GALNT13: variants seen among roughly 807,000 people sequenced by gnomAD.
GALNT13 encodes the protein polypeptide N-acetylgalactosaminyltransferase 13.
In GALNT13, 28 loss-of-function variants were observed where a neutral mutation model predicts 64.2. The ratio of observed to expected loss-of-function variants is 0.44; its 90% confidence interval spans 0.32 to 0.60. The LOEUF (loss-of-function observed/expected upper bound fraction) is 0.60. Among genes scored for constraint, GALNT13 ranks in the 20% least tolerant of loss-of-function variants. The probability of loss-of-function intolerance (pLI) is 0.05; values close to 1 mark genes in which losing one functional copy is unlikely to be tolerated. For synonymous variants in GALNT13, 214 were observed against 224.6 expected, an observed-to-expected ratio of 0.95 and a Z score of 0.42; for missense variants, 577 against 669.8, an observed-to-expected ratio of 0.86 and a Z score of 1.53.
chr2:153,819,914 A>G, the GALNT13 span, among the ~76,000 whole-genome samples: 1 of 152,202 alleles, frequency 6.6e-6, no homozygotes, highest in Non-Finnish European at 1.5e-5. Flanking sequence ...CCTAATCAAA[A>G]TGGAAACTCA....
At chr2:153,777,019 T>C in the GALNT13 span, among the ~76,000 whole-genome samples, 1 of 152,060 alleles carries the variant, frequency 6.6e-6, no homozygotes, top group East Asian at 1.9e-4. Flanking sequence ...CCTGTGGAAG[T>C]GTTTTTCCTG....
At chr2:154,419,713 T>C (rs1700170090) in intron 11 of GALNT13, among the ~76,000 whole-genome samples, 2 of 152,106 alleles carry the variant, frequency 1.3e-5, no homozygotes, top group South Asian at 4.1e-4. Context: ...ATATTCCTGG[T>C]GTTAAAATCA....
intron 8 of GALNT13, among the ~76,000 whole-genome samples, chr2:154,266,334 T>G (rs1038605739): frequency 3.3e-5 from 5 of 152,108 alleles, no homozygotes; most frequent in African/African-American, 1.2e-4. Context: ...ATTAAGACTA[T>G]AATTCCAGAA....
intron 9 of GALNT13, among the ~76,000 whole-genome samples, chr2:154,370,205 A>G (rs1241694626): frequency 1.3e-5 from 2 of 152,144 alleles, no homozygotes; most frequent in African/African-American, 2.4e-5. Context: ...GGATTTATAT[A>G]TAGGTAGAAA....
chr2:154,221,516 A>C (rs964555472), intron 4 of GALNT13, among the ~76,000 whole-genome samples: 1 of 152,090 alleles, frequency 6.6e-6, no homozygotes, highest in Non-Finnish European at 1.5e-5. Context: ...TTATAGACTA[A>C]TGTAACATTT....
the GALNT13 span, among the ~76,000 whole-genome samples, chr2:153,519,756 G>T: frequency 6.6e-6 from 1 of 152,090 alleles, no homozygotes. Context: ...CCTGTAAGAA[G>T]CTAAAGTTAG....
chr2:153,692,199 G>A, the GALNT13 span, among the ~76,000 whole-genome samples: 1 of 152,130 alleles, frequency 6.6e-6, no homozygotes, highest in Admixed American at 6.5e-5. Context: ...AATGAGGCTA[G>A]GGTTCACCCT....
At chr2:153,605,634 A>G in the GALNT13 span, among the ~76,000 whole-genome samples, 3 of 152,058 alleles carry the variant, frequency 2.0e-5, no homozygotes, top group African/African-American at 7.2e-5. Context: ...CTCATGTCAG[A>G]CTTTACTTTT....
intron 2 of GALNT13, among the ~76,000 whole-genome samples, chr2:153,930,998 G>A (rs190650414): frequency 1.9e-4 from 29 of 150,944 alleles, no homozygotes; most frequent in African/African-American, 6.6e-4. Context: ...ATTTCTTTCA[G>A]CAATGTTTTG....
At chr2:153,181,637 A>G in the GALNT13 span, among the ~76,000 whole-genome samples, 1 of 146,496 alleles carries the variant, frequency 6.8e-6, no homozygotes, top group East Asian at 2.0e-4. Flanking sequence ...ATATATTTAT[A>G]TAATTATATT....
the GALNT13 span, among the ~76,000 whole-genome samples, chr2:153,177,638 T>C: frequency 9.2e-5 from 14 of 152,124 alleles, no homozygotes; most frequent in Non-Finnish European, 1.3e-4. Flanking sequence ...CAAAGGGATG[T>C]TATAATTTAT....
intron 3 of GALNT13, among the ~76,000 whole-genome samples, chr2:153,986,619 G>A (rs2348541): frequency 0.77 from 116,084 of 151,708 alleles, 44,790 homozygotes; most frequent in East Asian, 0.96. Context: ...AGTTTATCCC[G>A]ATCACCGTGA....
the GALNT13 span, among the ~76,000 whole-genome samples, chr2:153,249,728 C>A: frequency 6.6e-6 from 1 of 152,136 alleles, no homozygotes; most frequent in Non-Finnish European, 1.5e-5. Flanking sequence ...CACCATACAT[C>A]TACAACCACA....
chr2:153,749,390 T>C, the GALNT13 span, among the ~76,000 whole-genome samples: 1 of 152,078 alleles, frequency 6.6e-6, no homozygotes, highest in Non-Finnish European at 1.5e-5. Context: ...CTTGATATTT[T>C]GATAGAGATT....
intron 8 of GALNT13, among the ~76,000 whole-genome samples, chr2:154,286,116 C>T (rs748040101): frequency 3.3e-5 from 5 of 152,098 alleles, no homozygotes; most frequent in Non-Finnish European, 5.9e-5. Flanking sequence ...CATATAAGAT[C>T]GTGTCATCAG....
the GALNT13 span, among the ~76,000 whole-genome samples, chr2:153,108,019 A>G: frequency 6.6e-6 from 1 of 152,120 alleles, no homozygotes; most frequent in African/African-American, 2.4e-5. Flanking sequence ...CTGGGATTAC[A>G]GACATGCATC....
At chr2:154,268,162 A>G (rs1242487624) in intron 8 of GALNT13, among the ~76,000 whole-genome samples, 2 of 152,198 alleles carry the variant, frequency 1.3e-5, no homozygotes, top group Non-Finnish European at 2.9e-5. Flanking sequence ...TTTATTTGTA[A>G]TACCGAAAGC....
the GALNT13 span, among the ~76,000 whole-genome samples, chr2:153,660,335 G>A: frequency 1.3e-5 from 2 of 151,970 alleles, no homozygotes; most frequent in Non-Finnish European, 2.9e-5. Context: ...GAAAGAAGAG[G>A]AATGGTGGGA....
intron 4 of GALNT13, among the ~76,000 whole-genome samples, chr2:154,190,064 C>T (rs943643882): frequency 6.6e-6 from 1 of 152,250 alleles, no homozygotes; most frequent in Admixed American, 6.5e-5. Flanking sequence ...TTTTCGTTAT[C>T]TTGTTCTCAA....
Sources: allele counts gnomAD v4.1 joint callset (sites outside exome capture counted in the v4.1 genomes callset), GRCh38; gene constraint gnomAD v4.1.1; transcripts MANE v1.5; gene names NCBI Gene and HGNC (gene_info 2026-07-23, HGNC 2026-07-21).